LCOR: variants seen among roughly 807,000 people sequenced by gnomAD.
The protein encoded by LCOR is ligand dependent nuclear receptor corepressor.
LCOR carries 14 observed loss-of-function variants against 64.4 expected under a neutral mutation model. That is an observed-to-expected ratio of 0.22 (90% CI 0.14 to 0.34). The LOEUF (loss-of-function observed/expected upper bound fraction) is 0.34, where lower values mean the gene tolerates loss of function less well. Among genes scored for constraint, LCOR ranks in the 10% least tolerant of loss-of-function variants. LCOR has a pLI of 1.00. For missense variants in LCOR, 1,686 were observed against 1,765.3 expected (o/e 0.96, Z 0.80); for synonymous variants, 643 against 642.5 (o/e 1.00, Z -0.01).
chr10:96,887,692 T>G (rs1357397547), intron 2 of LCOR, among the ~76,000 whole-genome samples: 1 of 152,084 alleles, frequency 6.6e-6, no homozygotes, highest in East Asian at 1.9e-4. Flanking sequence ...TTTTTTTTTT[T>G]TTTTAATTGA....
intron 7 of LCOR, chr10:96,954,899 T>A: frequency 6.8e-7 from 1 of 1,461,424 alleles, no homozygotes; most frequent in Non-Finnish European, 9.4e-7. Context: ...CCCTCACCCA[T>A]CCCTCCCTAC....
At chr10:96,916,601 ATATATC>A (rs1457921540) in intron 4 of LCOR, among the ~76,000 whole-genome samples, 3 of 148,930 alleles carry the variant, frequency 2.0e-5, no homozygotes, top group South Asian at 2.1e-4. Context: ...ATATATATAT[ATATATC>A]TATATATATG....
intron 4 of LCOR, among the ~76,000 whole-genome samples, chr10:96,925,625 A>G (rs1299970888): frequency 6.6e-6 from 1 of 151,934 alleles, no homozygotes; most frequent in Non-Finnish European, 1.5e-5. Context: ...TTGTGTGTGT[A>G]TGTGTGATGT....
At chr10:96,922,624 T>G (rs1442227120) in intron 4 of LCOR, among the ~76,000 whole-genome samples, 1 of 152,174 alleles carries the variant, frequency 6.6e-6, no homozygotes, top group African/African-American at 2.4e-5. Context: ...GTATAAACTT[T>G]GAATTTCCAA....
intron 5 of LCOR, among the ~76,000 whole-genome samples, chr10:96,945,856 C>T (rs750583190): frequency 2.0e-5 from 3 of 151,816 alleles, no homozygotes; most frequent in Non-Finnish European, 4.4e-5. Flanking sequence ...AAAATTCTGT[C>T]GTACTTTTCT....
intron 2 of LCOR, among the ~76,000 whole-genome samples, chr10:96,903,413 A>T (rs576288020): frequency 6.6e-6 from 1 of 152,040 alleles, no homozygotes; most frequent in African/African-American, 2.4e-5. Context: ...GTGGCATGTG[A>T]TTGTACTTTA....
At chr10:96,935,020 G>C (rs1009312362) in intron 4 of LCOR, among the ~76,000 whole-genome samples, 3 of 151,458 alleles carry the variant, frequency 2.0e-5, no homozygotes, top group African/African-American at 7.3e-5. Context: ...AGTTACAGAA[G>C]ATTTTGCATC....
chr10:96,932,941 A>G (rs1661141050), intron 4 of LCOR, among the ~76,000 whole-genome samples: 1 of 152,230 alleles, frequency 6.6e-6, no homozygotes, highest in South Asian at 2.1e-4. Flanking sequence ...ATAGTAATCT[A>G]TCCCAAGGAA....
At chr10:96,977,578 T>A (rs1339110694) in intron 7 of LCOR, among the ~76,000 whole-genome samples, 1 of 152,226 alleles carries the variant, frequency 6.6e-6, no homozygotes, top group East Asian at 1.9e-4. Context: ...TTTAAAATGT[T>A]TGGTACTTGA....
rs1000501545 is a variant in LCOR, at chr10:96,900,939, C to T, written c.-329-6326C>T. ...GCGCAGTGGCTCACACCTGTAATCC[C>T]AGCACTTTGGGAGGCCAAGGCGGGC... On this transcript the variant is annotated intron_variant, in intron 2 of 7. Transcript: ENST00000421806. Among the ~76,000 whole-genome samples the T allele has an allele frequency of 8.6e-4, 131 of 151,454 alleles. 2 individuals carry two copies. Among genetic ancestry groups the T allele is most frequent in the Admixed American group, 1.8e-3 (28 of 15,210 alleles).
Position 96,992,587 on chromosome 10 carries a change from C to A in LCOR, c.*7453C>A, listed in dbSNP as rs950963857. ...GGCATGGCATCGGGTGTGCCCCATG[C>A]AGCCTACTTCTTGCATGCACAGTTG... On this transcript the variant is annotated 3_prime_UTR_variant, in exon 8 of 8. Transcript: ENST00000421806. 6.6e-6 allele frequency: 1 copy of A among 152,264 alleles called. No individual in the cohort carries two copies. The highest frequency in any genetic ancestry group is 1.5e-5 in the Non-Finnish European group (1 of 68,060). The allele number at this position is 152,264 out of a possible 1,614,324, so 9.4% of individuals were successfully genotyped here.
chr10:96,873,891 G>A (rs184242191), intron 2 of LCOR, among the ~76,000 whole-genome samples: 55 of 152,218 alleles, frequency 3.6e-4, no homozygotes, highest in Admixed American at 2.2e-3. Context: ...GGATTAAAGG[G>A]TGTGGGGGAA....
At chr10:96,974,599 G>C (rs932976831) in intron 7 of LCOR, among the ~76,000 whole-genome samples, 2 of 152,172 alleles carry the variant, frequency 1.3e-5, no homozygotes, top group African/African-American at 4.8e-5. Flanking sequence ...TTGAGGAAAT[G>C]GTTTGCAGAA....
intron 2 of LCOR, among the ~76,000 whole-genome samples, chr10:96,884,495 T>TC (rs1353227286): frequency 6.6e-6 from 1 of 152,128 alleles, no homozygotes; most frequent in East Asian, 1.9e-4. Context: ...TGTTTGGATA[T>TC]CCCCCCTCCC....
At chr10:96,937,194 C>G (rs1589667642) in intron 4 of LCOR, among the ~76,000 whole-genome samples, 1 of 152,276 alleles carries the variant, frequency 6.6e-6, no homozygotes, top group South Asian at 2.1e-4. Flanking sequence ...AAGATGGAGA[C>G]AGAGATTGGA....
Position 96,982,685 on chromosome 10 carries a change from A to G in LCOR, c.2225A>G (p.Asn742Ser). ...GAGTCTGGAGACACCCAGGAGCTAAATGTCGACCCACTCTTGAAGGAAAGC... is the reference window on the plus strand; with the variant it reads ...GAGTCTGGAGACACCCAGGAGCTAAGTGTCGACCCACTCTTGAAGGAAAGC... ...EVESGDTQEL[N>S]VDPLLKESST... The change falls in exon 8 of 8, where the codon AAT becomes AGT. Residue 742 changes from asparagine to serine, a missense_variant. By Grantham distance (46) the Asn-to-Ser change is conservative. This residue lies in a region of LCOR where 1,293 missense variants were observed against 1,410.4 expected (regional missense o/e 0.92). Transcript: ENST00000421806. 6.2e-7 allele frequency: 1 copy of G among 1,614,166 alleles called. No homozygotes were observed. The highest frequency in any genetic ancestry group is 8.5e-7 in the Non-Finnish European group (1 of 1,180,038).
At chr10:96,836,821 CAT>C (rs1845449695) in intron 2 of LCOR, among the ~76,000 whole-genome samples, 2 of 152,188 alleles carry the variant, frequency 1.3e-5, no homozygotes, top group African/African-American at 4.8e-5. Context: ...GGGATATACA[CAT>C]GATAGGTTTG....
intron 7 of LCOR, chr10:96,958,674 A>G: frequency 2.1e-6 from 1 of 467,062 alleles, no homozygotes; most frequent in Non-Finnish European, 3.8e-6. Context: ...GAGATCAGTC[A>G]TGACTTGATA....
rs150813704 is a variant in LCOR at position 96,896,352 on chromosome 10, A to C, written c.-329-10913A>C. ...GTGAGGAATGGGGGAAAATATGAGA[A>C]ATTTTAATTTATTTTCTTTTCAGTA... On this transcript the variant is annotated intron_variant, in intron 2 of 7. Coordinates refer to ENST00000421806, the MANE Select transcript of LCOR (RefSeq NM_001346516.2). Among the ~76,000 whole-genome samples, 668 of 152,214 alleles carry C rather than the reference A, an allele frequency of 4.4e-3. 5 individuals carry two copies. Among genetic ancestry groups the C allele is most frequent in the African/African-American group, 0.015 (635 of 41,508 alleles).
Sources: allele counts gnomAD v4.1 joint callset (sites outside exome capture counted in the v4.1 genomes callset), GRCh38; gene constraint gnomAD v4.1.1; regional missense constraint gnomAD v4.1.1; transcripts MANE v1.5; gene names NCBI Gene and HGNC (gene_info 2026-07-23, HGNC 2026-07-21).